PID1: variants seen among roughly 807,000 people sequenced by gnomAD.
PID1 encodes PTB-containing, cubilin and LRP1-interacting protein.
A neutral mutation model predicts 19.1 loss-of-function variants in PID1; 10 were observed. The observed-to-expected ratio is 0.52, with a 90% CI of 0.32 to 0.89. The LOEUF (loss-of-function observed/expected upper bound fraction) is 0.89. Among genes scored for constraint, PID1 ranks in the 40% least tolerant of loss-of-function variants. The pLI is 0.03. For synonymous variants in PID1, 130 were observed against 116.0 expected (o/e 1.12, Z -0.78); for missense variants, 248 against 285.3 (o/e 0.87, Z 0.94).
intron 1 of PID1, among the ~76,000 whole-genome samples, chr2:229,223,139 A>T (rs1692009203): frequency 6.6e-6 from 1 of 152,178 alleles, no homozygotes; most frequent in African/African-American, 2.4e-5. Flanking sequence ...ATTCCTTAAA[A>T]TTGTGGCCAA....
intron 2 of PID1, among the ~76,000 whole-genome samples, chr2:229,129,909 G>A (rs1422210996): frequency 1.3e-5 from 2 of 152,120 alleles, no homozygotes; most frequent in Non-Finnish European, 2.9e-5. Flanking sequence ...GTGGGTTCAA[G>A]TAACCATGGC....
At chr2:229,230,806 T>C (rs914995971) in intron 1 of PID1, among the ~76,000 whole-genome samples, 1 of 152,210 alleles carries the variant, frequency 6.6e-6, no homozygotes, top group African/African-American at 2.4e-5. Flanking sequence ...CACATATGTA[T>C]ATAATGTTTA....
At chr2:229,095,280 T>C (rs1694952450) in intron 2 of PID1, among the ~76,000 whole-genome samples, 1 of 152,122 alleles carries the variant, frequency 6.6e-6, no homozygotes, top group Non-Finnish European at 1.5e-5. Context: ...GAAAAATGCT[T>C]AACACAAATA....
chr2:229,098,161 CTG>C (rs1326197935), intron 2 of PID1, among the ~76,000 whole-genome samples: 1 of 152,182 alleles, frequency 6.6e-6, no homozygotes, highest in Non-Finnish European at 1.5e-5. Context: ...CAGGTGCGCT[CTG>C]TGCAAAACAC....
At position 229,139,145 on chromosome 2, in the gene PID1, G is replaced by GC. The variant is rs1372580493; in HGVS notation, c.177+16672_177+16673insG. Among the ~76,000 whole-genome samples the GC allele has an allele frequency of 1.4e-4, 18 of 127,556 alleles. 1 individual carries two copies. Among genetic ancestry groups the GC allele is most frequent in the South Asian group, 9.5e-4 (3 of 3,168 alleles). 83.7% of individuals were successfully genotyped at this position (127,556 alleles called of 152,430 possible). Reference sequence around the variant, plus strand: ...AGAAAGAAAGAAAGAAAGAAAGAAAGAAAGCAAGCGAGCGAGCAAGCGAGC... The same window carrying GC: ...AGAAAGAAAGAAAGAAAGAAAGAAAGCAAAGCAAGCGAGCGAGCAAGCGAGC... On this transcript the variant is annotated intron_variant, in intron 2 of 2. Transcript: ENST00000392055.
intron 2 of PID1, among the ~76,000 whole-genome samples, chr2:229,068,487 A>T (rs1574602403): frequency 6.6e-6 from 1 of 152,336 alleles, no homozygotes; most frequent in South Asian, 2.1e-4. Context: ...ACACTTTACA[A>T]AAATTGACAA....
chr2:229,111,905 A>G (rs1695305540), intron 2 of PID1, among the ~76,000 whole-genome samples: 2 of 152,254 alleles, frequency 1.3e-5, no homozygotes, highest in South Asian at 4.1e-4. Context: ...AATGCCAGAG[A>G]TAACATTCTA....
chr2:229,260,973 G>A (rs577639143), intron 1 of PID1, among the ~76,000 whole-genome samples: 20 of 152,110 alleles, frequency 1.3e-4, no homozygotes, highest in African/African-American at 4.8e-4. Flanking sequence ...ACCTCGACAT[G>A]TGACTTTATT....
At chr2:229,146,525 T>TTG (rs143860908) in intron 2 of PID1, among the ~76,000 whole-genome samples, 3,441 of 148,616 alleles carry the variant, frequency 0.023, 86 homozygotes, top group African/African-American at 0.063. Flanking sequence ...TGTGAACATT[T>TTG]TGTGTGTGTG....
At chr2:229,144,681 A>G (rs976553452) in intron 2 of PID1, among the ~76,000 whole-genome samples, 7 of 152,154 alleles carry the variant, frequency 4.6e-5, no homozygotes, top group Non-Finnish European at 7.3e-5. Flanking sequence ...GCTAAAAAAT[A>G]TTATCTATCA....
chr2:229,052,790 C>A (rs557236750), intron 2 of PID1, among the ~76,000 whole-genome samples: 9 of 152,162 alleles, frequency 5.9e-5, no homozygotes, highest in African/African-American at 2.2e-4. Flanking sequence ...TATTCAATAA[C>A]CATTTCAGGA....
chr2:229,231,917 T>C (rs774203203), intron 1 of PID1: 4 of 1,550,344 alleles, frequency 2.6e-6, no homozygotes. Context: ...CAGAAATTGA[T>C]TTTCTCACCG....
intron 2 of PID1, among the ~76,000 whole-genome samples, chr2:229,088,612 C>T (rs571944393): frequency 1.3e-5 from 2 of 152,188 alleles, no homozygotes; most frequent in East Asian, 1.9e-4. Context: ...GTACTATGGA[C>T]CTGAAATAGA....
chr2:229,070,260 G>A (rs1161408167), intron 2 of PID1, among the ~76,000 whole-genome samples: 1 of 152,204 alleles, frequency 6.6e-6, no homozygotes, highest in East Asian at 1.9e-4. Context: ...AAGCCATGCT[G>A]CCTGGGCTCA....
intron 2 of PID1, among the ~76,000 whole-genome samples, chr2:229,139,037 AAG>A (rs745458966): frequency 0.023 from 1,252 of 54,580 alleles, 40 homozygotes; most frequent in East Asian, 0.035. Context: ...GAAAGAAAGA[AAG>A]AGAAAGAAAG....
intron 1 of PID1, among the ~76,000 whole-genome samples, chr2:229,179,394 A>T (rs1006665365): frequency 6.6e-6 from 1 of 152,140 alleles, no homozygotes; most frequent in African/African-American, 2.4e-5. Flanking sequence ...CTAATCTTAT[A>T]CCACATTAGG....
chr2:229,140,997 T>C (rs1466278713), intron 2 of PID1, among the ~76,000 whole-genome samples: 1 of 151,382 alleles, frequency 6.6e-6, no homozygotes, highest in Non-Finnish European at 1.5e-5. Context: ...TGCATTGCCC[T>C]AATAGGTCTG....
intron 1 of PID1, among the ~76,000 whole-genome samples, chr2:229,241,546 G>T (rs1012715033): frequency 2.6e-5 from 4 of 152,076 alleles, no homozygotes; most frequent in African/African-American, 4.8e-5. Flanking sequence ...TTCTTTATGA[G>T]AGCACAGGTT....
intron 1 of PID1, among the ~76,000 whole-genome samples, chr2:229,240,290 G>A (rs1689838405): frequency 6.6e-6 from 1 of 151,968 alleles, no homozygotes; most frequent in Non-Finnish European, 1.5e-5. Context: ...GAGACATTCT[G>A]TGAATAAAGG....
Sources: gnomAD v4.1 joint callset for allele counts (sites outside exome capture counted in the v4.1 genomes callset) on GRCh38, gnomAD v4.1.1 for gene constraint, MANE v1.5 for transcripts, NCBI Gene and HGNC (gene_info 2026-07-23, HGNC 2026-07-21) for gene names.